Variants in GMDS observed in about 807,000 individuals in gnomAD.
GMDS encodes GDP-mannose 4,6-dehydratase.
Under a neutral mutation model 49.9 loss-of-function variants are expected in GMDS, and 20 were observed. That is an observed-to-expected ratio of 0.40 (90% CI 0.28 to 0.58). The LOEUF is 0.58. GMDS is among the 20% of genes least tolerant of loss of function. The probability of loss-of-function intolerance (pLI) is 0.42; values close to 1 mark genes in which losing one functional copy is unlikely to be tolerated. For missense variants in GMDS, 362 were observed against 481.4 expected, an observed-to-expected ratio of 0.75 and a Z score of 2.32; for synonymous variants, 177 against 178.6, an observed-to-expected ratio of 0.99 and a Z score of 0.07.
At chr6:2,238,222 CAAA>C (rs58141924) in intron 1 of GMDS, among the ~76,000 whole-genome samples, 13 of 118,688 alleles carry the variant, frequency 1.1e-4, no homozygotes, top group East Asian at 2.2e-4. Flanking sequence ...CCTGTCTCTA[CAAA>C]AAAAAAAAAA....
intron 4 of GMDS, among the ~76,000 whole-genome samples, chr6:2,013,810 G>T (rs1017970038): frequency 6.7e-6 from 1 of 148,522 alleles, no homozygotes; most frequent in Non-Finnish European, 1.5e-5. Flanking sequence ...CATGTAATGA[G>T]AATGCCAGAA....
intron 9 of GMDS, chr6:1,717,541 C>G (rs1428663117): frequency 6.6e-6 from 1 of 152,234 alleles, no homozygotes; most frequent in Non-Finnish European, 1.5e-5. Flanking sequence ...ATCACCAATT[C>G]AGCATATCCC....
At chr6:1,817,135 AAC>A (rs1408808605) in intron 7 of GMDS, among the ~76,000 whole-genome samples, 1 of 150,688 alleles carries the variant, frequency 6.6e-6, no homozygotes, top group Non-Finnish European at 1.5e-5. Flanking sequence ...ACACTCACAT[AAC>A]ACACATACAA....
chr6:1,699,768 A>G (rs1765475375), intron 9 of GMDS, among the ~76,000 whole-genome samples: 1 of 152,098 alleles, frequency 6.6e-6, no homozygotes, highest in Non-Finnish European at 1.5e-5. Flanking sequence ...ATTATCATGT[A>G]AGGTGACATA....
chr6:1,647,365 G>A (rs2113203116), intron 9 of GMDS, among the ~76,000 whole-genome samples: 1 of 152,256 alleles, frequency 6.6e-6, no homozygotes, highest in East Asian at 1.9e-4. Context: ...TTTCCTGCTG[G>A]ATGGGAACAG....
intron 4 of GMDS, among the ~76,000 whole-genome samples, chr6:2,092,293 C>G (rs753860596): frequency 5.3e-5 from 8 of 152,144 alleles, no homozygotes; most frequent in Non-Finnish European, 1.0e-4. Context: ...GAACCAGTCC[C>G]CTTCTGTGAC....
intron 4 of GMDS, among the ~76,000 whole-genome samples, chr6:2,017,379 G>C (rs6596868): frequency 6.6e-6 from 1 of 151,582 alleles, no homozygotes; most frequent in Non-Finnish European, 1.5e-5. Context: ...CGCTATCTCC[G>C]CTCACTGCAA....
chr6:1,935,119 C>T (rs541705024), intron 6 of GMDS, among the ~76,000 whole-genome samples: 29 of 152,262 alleles, frequency 1.9e-4, no homozygotes, highest in Non-Finnish European at 3.4e-4. Context: ...ATAAGATTCT[C>T]GTTAGAAAGA....
At chr6:1,756,812 G>A (rs964372716) in intron 7 of GMDS, among the ~76,000 whole-genome samples, 4 of 152,196 alleles carry the variant, frequency 2.6e-5, no homozygotes, top group African/African-American at 9.7e-5. Flanking sequence ...GCTTCTTTAC[G>A]TGGTGGCTGC....
chr6:1,683,553 A>G (rs1447427247), intron 9 of GMDS, among the ~76,000 whole-genome samples: 1 of 152,186 alleles, frequency 6.6e-6, no homozygotes, highest in African/African-American at 2.4e-5. Flanking sequence ...CTGATGCACC[A>G]TCTTCTCCCA....
At chr6:1,735,058 C>A (rs1393366680) in intron 8 of GMDS, among the ~76,000 whole-genome samples, 1 of 152,200 alleles carries the variant, frequency 6.6e-6, no homozygotes, top group African/African-American at 2.4e-5. Flanking sequence ...TTAGCCACCC[C>A]CAGTGGATAA....
intron 4 of GMDS, among the ~76,000 whole-genome samples, chr6:1,985,088 C>A (rs995440418): frequency 1.3e-5 from 2 of 152,112 alleles, no homozygotes; most frequent in African/African-American, 4.8e-5. Context: ...AAAAAAAGAT[C>A]AAAGAAGTTG....
In GMDS at chr6:1,624,546, G is replaced by T; in HGVS notation, c.988-6C>A. ...CAGTCGCCCTGCAGAAAGTCCTAGG[G>T]AAGAAGAGGGGGAGACGAAGCAGGC... is the stretch of plus-strand genomic sequence containing the variant. On this transcript the variant is annotated splice_region_variant and splice_polypyrimidine_tract_variant and intron_variant, in intron 9 of 10. Coordinates refer to ENST00000380815, the MANE Select transcript of GMDS (RefSeq NM_001500.4). The T allele has an allele frequency of 3.1e-6, 5 of 1,610,560 alleles. No homozygotes were observed. The highest frequency in any genetic ancestry group is 4.2e-6 in the Non-Finnish European group (5 of 1,176,994).
intron 9 of GMDS, among the ~76,000 whole-genome samples, chr6:1,666,806 T>A (rs1386184123): frequency 6.6e-6 from 1 of 152,208 alleles, no homozygotes; most frequent in African/African-American, 2.4e-5. Flanking sequence ...GGAACGATAG[T>A]GGAGACTGGG....
chr6:1,626,723 A>G (rs922152938), intron 9 of GMDS, among the ~76,000 whole-genome samples: 1 of 152,240 alleles, frequency 6.6e-6, no homozygotes, highest in African/African-American at 2.4e-5. Context: ...GCAAAACCCT[A>G]AAACCCAGTT....
chr6:1,683,623 T>C (rs1764872120), intron 9 of GMDS, among the ~76,000 whole-genome samples: 1 of 152,202 alleles, frequency 6.6e-6, no homozygotes, highest in Admixed American at 6.5e-5. Context: ...GGATCGGTTA[T>C]TACATAGAAA....
chr6:1,657,186 C>T (rs1230330234), intron 9 of GMDS, among the ~76,000 whole-genome samples: 1 of 152,224 alleles, frequency 6.6e-6, no homozygotes, highest in Non-Finnish European at 1.5e-5. Context: ...AGACTACTGA[C>T]AAGCATGAAG....
chr6:2,002,426 TTC>T (rs1278510879), intron 4 of GMDS, among the ~76,000 whole-genome samples: 1 of 152,226 alleles, frequency 6.6e-6, no homozygotes, highest in Non-Finnish European at 1.5e-5. Flanking sequence ...ATGTGTCAAC[TTC>T]TGTTTTTCAT....
chr6:2,176,103 T>C (rs1247346800), intron 1 of GMDS: 1 of 823,042 alleles, frequency 1.2e-6, no homozygotes, highest in East Asian at 2.8e-5. Context: ...AATTCTGGTG[T>C]CCAGCCCCCC....
Sources: gnomAD v4.1 joint callset for allele counts (sites outside exome capture counted in the v4.1 genomes callset) on GRCh38, gnomAD v4.1.1 for gene constraint, MANE v1.5 for transcripts, NCBI Gene and HGNC (gene_info 2026-07-23, HGNC 2026-07-21) for gene names.